CRADD: variants seen among roughly 807,000 people sequenced by gnomAD.
CRADD encodes death domain-containing protein CRADD.
Under a neutral mutation model 15.5 loss-of-function variants are expected in CRADD, and 9 were observed. The ratio of observed to expected loss-of-function variants is 0.58; its 90% CI spans 0.35 to 1.01. CRADD has a LOEUF of 1.01. CRADD is among the 50% of genes least tolerant of loss of function. The probability of loss-of-function intolerance (pLI) is 0.02; values close to 1 mark genes in which losing one functional copy is unlikely to be tolerated. For missense variants in CRADD, 227 were observed against 250.3 expected (o/e 0.91, Z 0.63); for synonymous variants, 118 against 107.6 (o/e 1.10, Z -0.60).
intron 2 of CRADD, among the ~76,000 whole-genome samples, chr12:93,756,023 A>G (rs1377654515): frequency 6.6e-6 from 1 of 152,180 alleles, no homozygotes; most frequent in African/African-American, 2.4e-5. Flanking sequence ...TCATAAATGT[A>G]TACTTGTTTA....
At chr12:93,724,921 C>T (rs552317811) in intron 2 of CRADD, among the ~76,000 whole-genome samples, 3 of 151,790 alleles carry the variant, frequency 2.0e-5, no homozygotes, top group East Asian at 1.9e-4. Flanking sequence ...AGTGCAGTGG[C>T]GCGATCTCGG....
intron 2 of CRADD, among the ~76,000 whole-genome samples, chr12:93,773,874 G>A (rs28533469): frequency 7.4e-6 from 1 of 135,112 alleles, no homozygotes; most frequent in South Asian, 2.5e-4. Context: ...CTCTAGTGCA[G>A]TGGTGTGGTT....
rs573844858 is a variant in CRADD at position 93,874,403 on chromosome 12, T to A, written c.299-19647T>A. 1.2e-4 allele frequency among the ~76,000 whole-genome samples: 19 copies of A among 152,112 alleles called. 2 individuals carry two copies. Among genetic ancestry groups the A allele is most frequent in the South Asian group, 1.2e-3 (6 of 4,830 alleles). On this transcript the variant is annotated intron_variant, in intron 2 of 2. Coordinates refer to the CRADD transcript ENST00000548483. ...AAACATCAACTTTTTGTTTCATTGA[T>A]TTTTGTATTTTTTTATTTCAGTTTC...
At chr12:93,786,206 G>A (rs370483494) in intron 2 of CRADD, among the ~76,000 whole-genome samples, 3 of 152,178 alleles carry the variant, frequency 2.0e-5, no homozygotes, top group East Asian at 1.9e-4. Context: ...TGGCCAGTGG[G>A]CCCTCTGCTT....
intron 2 of CRADD, among the ~76,000 whole-genome samples, chr12:93,791,756 A>G (rs1957352108): frequency 6.6e-6 from 1 of 152,170 alleles, no homozygotes; most frequent in Non-Finnish European, 1.5e-5. Flanking sequence ...GTATAAGCAT[A>G]GGTATAAGCA....
intron 2 of CRADD, among the ~76,000 whole-genome samples, chr12:93,863,332 G>A (rs886474382): frequency 6.6e-6 from 1 of 151,986 alleles, no homozygotes; most frequent in African/African-American, 2.4e-5. Flanking sequence ...ACGCTTGCCA[G>A]GACTTCTCAT....
Position 93,824,986 on chromosome 12 carries a change from C to T in CRADD, c.299-24984C>T, listed in dbSNP as rs766047962. Among the ~76,000 whole-genome samples, 6 of 152,124 alleles carry T rather than the reference C, an allele frequency of 3.9e-5. No individual in the cohort carries two copies. The highest frequency in any genetic ancestry group is 1.9e-4 in the East Asian group (1 of 5,204). ...TTAATACATGGGGCTTGTTCCAAAT[C>T]GATCATGAAAATAAGTTTTTGCTGT... is the stretch of plus-strand genomic sequence containing the variant. On this transcript the variant is annotated intron_variant, in intron 2 of 2. Transcript: ENST00000332896. This position sits in a 1 kb window ranked among gnomAD's most constrained non-coding sequence, Gnocchi z 4.3.
chr12:93,769,517 C>A (rs1372096738), intron 2 of CRADD, among the ~76,000 whole-genome samples: 1 of 152,092 alleles, frequency 6.6e-6, no homozygotes, highest in African/African-American at 2.4e-5. Context: ...TGTTTATATG[C>A]CTTAGGAATG....
At chr12:93,822,048 G>A (rs1174291167) in intron 2 of CRADD, among the ~76,000 whole-genome samples, 2 of 151,534 alleles carry the variant, frequency 1.3e-5, no homozygotes, top group Non-Finnish European at 2.9e-5. Flanking sequence ...AGCCTGGGAG[G>A]CAGAGGCTGC....
In CRADD at chr12:93,679,772, CAACTGAT is replaced by C. The variant is rs1167024623; in HGVS notation, c.298+701_298+707del. 4.7e-4 allele frequency among the ~76,000 whole-genome samples: 72 copies of C among 152,152 alleles called. 1 individual carries two copies. Among genetic ancestry groups the C allele is most frequent in the Non-Finnish European group, 1.2e-4 (8 of 68,034 alleles). On this transcript the variant is annotated intron_variant, in intron 2 of 2. Transcript: ENST00000332896. ...GGAAAGCAGGCATTCGGCCTACTGA[CAACTGAT>C]TTGTGAGGTGCCAGAGCTACCAGCT...
chr12:93,750,815 C>A (rs540016134), intron 2 of CRADD, among the ~76,000 whole-genome samples: 1 of 152,236 alleles, frequency 6.6e-6, no homozygotes, highest in East Asian at 1.9e-4. Flanking sequence ...TTATATCATA[C>A]CATGTAACTT....
chr12:93,888,566 A>G (rs938869443), intron 2 of CRADD, among the ~76,000 whole-genome samples: 2 of 152,182 alleles, frequency 1.3e-5, no homozygotes, highest in Non-Finnish European at 2.9e-5. Context: ...TGTGTGTTTT[A>G]GAAAGGTCAT....
chr12:93,857,259 G>A (rs1180214997), intron 2 of CRADD, among the ~76,000 whole-genome samples: 1 of 152,150 alleles, frequency 6.6e-6, no homozygotes, highest in Non-Finnish European at 1.5e-5. Context: ...AATATTTGGA[G>A]GAAATATAAA....
At chr12:93,742,756 G>C (rs1308612584) in intron 2 of CRADD, among the ~76,000 whole-genome samples, 1 of 152,134 alleles carries the variant, frequency 6.6e-6, no homozygotes, top group Non-Finnish European at 1.5e-5. Context: ...CGGTAAAAAT[G>C]AGCCGTCACA....
Position 93,686,786 on chromosome 12 carries a change from G to C in CRADD, c.298+7714G>C, listed in dbSNP as rs1325339789. On this transcript the variant is annotated intron_variant, in intron 2 of 2. Coordinates refer to ENST00000332896, the MANE Select transcript of CRADD (RefSeq NM_003805.5). ...ATTTATTACTGGGACTAGAATCCAG[G>C]CTTTGCAACTCTTGATTTAGGACTT... 3.9e-5 allele frequency among the ~76,000 whole-genome samples: 6 copies of C among 152,162 alleles called. No homozygotes were observed. In the East Asian group the frequency reaches 1.2e-3, roughly 29 times the overall value.
At chr12:93,764,213 A>T in intron 2 of CRADD, among the ~76,000 whole-genome samples, 1 of 138,584 alleles carries the variant, frequency 7.2e-6, no homozygotes, top group African/African-American at 2.7e-5. Flanking sequence ...AAGAACGATC[A>T]CTCTGGCTGC....
At position 93,771,210 on chromosome 12, in the gene CRADD, T is replaced by C. The variant is rs143073516; in HGVS notation, c.299-78760T>C. ...TTAGTGCCTTTCTGTCTCCTTGGAA[T>C]TGACTCCTGAAACTGGAATTTCTGG... is the stretch of plus-strand genomic sequence containing the variant. On this transcript the variant is annotated intron_variant, in intron 2 of 2. Transcript: ENST00000332896. 3.0e-3 allele frequency among the ~76,000 whole-genome samples: 452 copies of C among 152,294 alleles called. 3 individuals are homozygous for C. The highest frequency in any genetic ancestry group is 0.01 in the African/African-American group (435 of 41,562).
At chr12:93,781,286 C>T (rs907079769) in intron 2 of CRADD, among the ~76,000 whole-genome samples, 6 of 152,026 alleles carry the variant, frequency 3.9e-5, no homozygotes, top group Non-Finnish European at 5.9e-5. Context: ...AAAAAAATCC[C>T]GCATTTGTCA....
chr12:93,741,592 C>T (rs1389501), intron 2 of CRADD, among the ~76,000 whole-genome samples: 9,438 of 152,220 alleles, frequency 0.062, 655 homozygotes, highest in African/African-American at 0.14. Flanking sequence ...AAGTGGAATA[C>T]ACTCTGTGCT....
Sources: allele counts gnomAD v4.1 joint callset (sites outside exome capture counted in the v4.1 genomes callset), GRCh38; gene constraint gnomAD v4.1.1; non-coding constraint Gnocchi (gnomAD v3.1); transcripts MANE v1.5; gene names NCBI Gene and HGNC (gene_info 2026-07-23, HGNC 2026-07-21).